VEZT: variants seen among roughly 807,000 people sequenced by gnomAD.
VEZT encodes vezatin, adherens junctions transmembrane protein.
A neutral mutation model predicts 79.9 loss-of-function variants in VEZT; 39 were observed. The observed-to-expected ratio is 0.49, with a 90% confidence interval of 0.38 to 0.64. The LOEUF (loss-of-function observed/expected upper bound fraction) is 0.64. Ranked by LOEUF, VEZT falls within the 30% of genes least tolerant of loss-of-function variation. The probability of loss-of-function intolerance (pLI) is 0.00; values close to 1 mark genes in which losing one functional copy is unlikely to be tolerated. For synonymous variants in VEZT, 325 were observed against 327.6 expected, an observed-to-expected ratio of 0.99 and a Z score of 0.09; for missense variants, 837 against 893.1, an observed-to-expected ratio of 0.94 and a Z score of 0.80.
chr12:95,271,982 T>A (rs1449105585), intron 6 of VEZT, among the ~76,000 whole-genome samples: 1 of 151,856 alleles, frequency 6.6e-6, no homozygotes, highest in African/African-American at 2.4e-5. Context: ...GCCTGGGCAA[T>A]ATAGTGAGAC....
intron 1 of VEZT, among the ~76,000 whole-genome samples, chr12:95,221,881 T>TA (rs1177626677): frequency 1.3e-5 from 2 of 151,882 alleles, no homozygotes; most frequent in African/African-American, 4.8e-5. Flanking sequence ...ATAATACAAA[T>TA]AAAAAAACTA....
intron 1 of VEZT, among the ~76,000 whole-genome samples, chr12:95,221,766 T>C (rs995400586): frequency 6.6e-6 from 1 of 152,022 alleles, no homozygotes; most frequent in African/African-American, 2.4e-5. Flanking sequence ...GAAGATTGCT[T>C]GAGCCCAGGA....
At chr12:95,225,412 C>A (rs1303370323) in intron 1 of VEZT, among the ~76,000 whole-genome samples, 1 of 152,000 alleles carries the variant, frequency 6.6e-6, no homozygotes, top group Non-Finnish European at 1.5e-5. Context: ...AAGAAATTAG[C>A]CGGGCTTGGT....
chr12:95,277,583 G>A (rs1028501983), intron 7 of VEZT, among the ~76,000 whole-genome samples: 4 of 152,134 alleles, frequency 2.6e-5, no homozygotes, highest in African/African-American at 9.7e-5. Context: ...ATTCTTTAAG[G>A]AAAATAAAGA....
intron 2 of VEZT, among the ~76,000 whole-genome samples, chr12:95,255,278 C>CCA (rs1478399500): frequency 1.3e-5 from 2 of 152,128 alleles, no homozygotes. Context: ...CTCTCAGTTA[C>CCA]CATACCATTT....
chr12:95,222,309 G>T (rs1488643), intron 1 of VEZT, among the ~76,000 whole-genome samples: 44,543 of 152,074 alleles, frequency 0.29, 7,581 homozygotes, highest in African/African-American at 0.48. Flanking sequence ...CATCCATCTG[G>T]TACTGATTTT....
intron 3 of VEZT, among the ~76,000 whole-genome samples, chr12:95,260,255 G>A (rs1417565597): frequency 6.6e-6 from 1 of 151,838 alleles, no homozygotes; most frequent in Admixed American, 6.6e-5. Flanking sequence ...ACAGGTGCAC[G>A]CCACCAAACC....
chr12:95,221,602 G>A (rs539086825), intron 1 of VEZT, among the ~76,000 whole-genome samples: 6 of 151,882 alleles, frequency 4.0e-5, no homozygotes, highest in Non-Finnish European at 8.8e-5. Context: ...CAGCACTTTG[G>A]GAGGCTAAGG....
At position 95,240,058 on chromosome 12, in the gene VEZT, AAGGAAGGAAGG is replaced by A. The variant is rs1377714579; in HGVS notation, c.37-11880_37-11870del. On this transcript the variant is annotated intron_variant, in intron 1 of 11. Transcript: ENST00000436874. ...GAAGGAAGGAAGGAAGGAAGGAAGG[AAGGAAGGAAGG>A]AAGGAAGAAAAGAAAGAGGAAAACA... 5.9e-4 allele frequency among the ~76,000 whole-genome samples: 83 copies of A among 139,832 alleles called. 3 individuals carry two copies. Among genetic ancestry groups the A allele is most frequent in the African/African-American group, 1.2e-3 (44 of 35,634 alleles). The allele number at this position is 139,832 out of a possible 152,430, so 91.7% of individuals were successfully genotyped here.
At chr12:95,252,879 C>G (rs572484272) in intron 2 of VEZT, among the ~76,000 whole-genome samples, 7 of 152,138 alleles carry the variant, frequency 4.6e-5, no homozygotes, top group Non-Finnish European at 8.8e-5. Flanking sequence ...GCAGGAGAAT[C>G]GCTTGAACCT....
intron 1 of VEZT, among the ~76,000 whole-genome samples, chr12:95,239,207 G>A (rs2060570881): frequency 6.6e-6 from 1 of 152,134 alleles, no homozygotes; most frequent in Admixed American, 6.5e-5. Context: ...TAGTATAAAA[G>A]TAGCAAGGCA....
At chr12:95,240,017 AAAGAAAGG>A (rs1255158347) in intron 1 of VEZT, among the ~76,000 whole-genome samples, 88 of 112,134 alleles carry the variant, frequency 7.8e-4, no homozygotes, top group Middle Eastern at 4.2e-3. Flanking sequence ...AGAAAGAGAG[AAAGAAAGG>A]AAGGAAGGAA....
chr12:95,252,338 G>A lies in VEZT; in HGVS notation c.168+267G>A, dbSNP rs189255225. The A allele has an allele frequency of 1.0e-4, 25 of 243,800 alleles. No homozygotes were observed. The Admixed American group carries it at 1.2e-3, about 11-fold the overall frequency. 15.1% of individuals were successfully genotyped at this position (243,800 alleles called of 1,614,324 possible). On this transcript the variant is annotated intron_variant, in intron 2 of 11. Transcript: ENST00000436874. ...ATATTGATGCTATCCAAACAGAATC[G>A]AAAAAAATATACTAAAACTTTAATG...
chr12:95,268,266 C>T (rs984305741), intron 5 of VEZT, among the ~76,000 whole-genome samples: 5 of 152,092 alleles, frequency 3.3e-5, no homozygotes, highest in Non-Finnish European at 7.4e-5. Flanking sequence ...GAGGCCGAGG[C>T]GGGCGGATCA....
At chr12:95,263,497 A>G (rs1416053287) in intron 4 of VEZT, among the ~76,000 whole-genome samples, 3 of 152,130 alleles carry the variant, frequency 2.0e-5, no homozygotes, top group South Asian at 2.1e-4. Flanking sequence ...AAAACATGAA[A>G]AAATGAGTTC....
intron 1 of VEZT, chr12:95,231,683 T>C (rs2059294316): frequency 6.6e-6 from 1 of 152,206 alleles, no homozygotes; most frequent in Admixed American, 6.5e-5. Context: ...ATTTAGATAT[T>C]ATGTTGAAAT....
At chr12:95,259,972 T>A (rs1219347048) in intron 3 of VEZT, among the ~76,000 whole-genome samples, 3 of 152,188 alleles carry the variant, frequency 2.0e-5, no homozygotes, top group African/African-American at 7.2e-5. Context: ...CAGTATATAG[T>A]TCAAGTTTTT....
chr12:95,235,048 T>C (rs1212150556), intron 1 of VEZT, among the ~76,000 whole-genome samples: 50 of 151,264 alleles, frequency 3.3e-4, no homozygotes, highest in Non-Finnish European at 6.5e-4. Context: ...AAGTCTCCCA[T>C]GTCTACCTCT....
At chr12:95,245,514 C>T (rs2061600297) in intron 1 of VEZT, 1 of 456,584 alleles carries the variant, frequency 2.2e-6, no homozygotes, top group Non-Finnish European at 4.4e-6. Context: ...TTGTTTTATC[C>T]CCTGTGCCTA....
Sources: allele counts gnomAD v4.1 joint callset (sites outside exome capture counted in the v4.1 genomes callset), GRCh38; gene constraint gnomAD v4.1.1; transcripts MANE v1.5; gene names NCBI Gene and HGNC (gene_info 2026-07-23, HGNC 2026-07-21).